HOMER2: variants seen among roughly 807,000 people sequenced by gnomAD.
HOMER2 encodes homer scaffold protein 2.
A neutral mutation model predicts 47.0 loss-of-function variants in HOMER2; 27 were observed. That is an observed-to-expected ratio of 0.57 (90% CI 0.42 to 0.79). HOMER2 has a LOEUF of 0.79. Among genes scored for constraint, HOMER2 ranks in the 30% least tolerant of loss-of-function variants. HOMER2 has a pLI of 0.00. For missense variants in HOMER2, 443 were observed against 435.0 expected (o/e 1.02, Z -0.16); for synonymous variants, 161 against 163.8 (o/e 0.98, Z 0.13).
In HOMER2 at chr15:82,849,678, T is replaced by C. The variant is rs1177701607; in HGVS notation, c.*37A>G. 3 of 1,586,966 alleles carry C rather than the reference T, an allele frequency of 1.9e-6. No homozygotes were observed. Among genetic ancestry groups the C allele is most frequent in the East Asian group, 4.5e-5 (2 of 44,224 alleles). On this transcript the variant is annotated 3_prime_UTR_variant, in exon 9 of 9. Coordinates refer to ENST00000450735, the MANE Select transcript of HOMER2 (RefSeq NM_004839.4). Reference sequence around the variant, plus strand: ...GAGCTATCTGGTCTCGCACACACGCTTGGGACTCACGGGCGGGGCCTGGGC... The same window carrying C: ...GAGCTATCTGGTCTCGCACACACGCCTGGGACTCACGGGCGGGGCCTGGGC...
At position 82,933,225 on chromosome 15, in the gene HOMER2, C is replaced by A. The variant is rs2054060725; in HGVS notation, c.5+19306G>T. ...AGGGGTGTTCAGAGACCCCACATCCCACATTAAGAACCCTTCCTTGAGATG... is the reference window on the plus strand; with the variant it reads ...AGGGGTGTTCAGAGACCCCACATCCAACATTAAGAACCCTTCCTTGAGATG... On this transcript the variant is annotated intron_variant, in intron 1 of 8. Transcript: ENST00000450735. Among the ~76,000 whole-genome samples, 5 of 152,156 alleles carry A rather than the reference C, an allele frequency of 3.3e-5. No individual in the cohort carries two copies. In the South Asian group the frequency reaches 1.0e-3, roughly 32 times the overall value.
At chr15:82,944,043 A>G (rs1259812680) in intron 1 of HOMER2, among the ~76,000 whole-genome samples, 1 of 152,192 alleles carries the variant, frequency 6.6e-6, no homozygotes, top group Non-Finnish European at 1.5e-5. Flanking sequence ...TTATGAATAA[A>G]AATTTTTTTT....
chr15:82,844,535 A>T (rs551561209), downstream of HOMER2: 369 of 152,356 alleles, frequency 2.4e-3, 4 homozygotes, highest in African/African-American at 8.5e-3. Context: ...AAAAGTAATA[A>T]AACACACACA....
At position 82,849,421 on chromosome 15, in the gene HOMER2, C is replaced by A; in HGVS notation, c.*294G>T. On this transcript the variant is annotated 3_prime_UTR_variant, in exon 9 of 9. Transcript: ENST00000450735. ...GTTTTTTCAGTTCATATGGTTGCAA[C>A]AGCCCTTATGAAAGATATAAACATC... is the stretch of plus-strand genomic sequence containing the variant. 2.7e-6 allele frequency: 1 copy of A among 370,754 alleles called. No homozygotes were observed. Among genetic ancestry groups the A allele is most frequent in the Non-Finnish European group, 4.9e-6 (1 of 206,150 alleles). 23.0% of individuals were successfully genotyped at this position (370,754 alleles called of 1,614,324 possible). A position where few individuals can be genotyped will look rare whatever the true frequency, so the allele number is the denominator to read the frequency against.
chr15:82,962,824 T>C (rs1209265877), intron 1 of HOMER2, among the ~76,000 whole-genome samples: 1 of 152,128 alleles, frequency 6.6e-6, no homozygotes, highest in Non-Finnish European at 1.5e-5. Flanking sequence ...TATCAGTCCA[T>C]CAAACCACTT....
intron 1 of HOMER2, among the ~76,000 whole-genome samples, chr15:82,922,587 A>G (rs1272518300): frequency 6.6e-6 from 1 of 152,192 alleles, no homozygotes; most frequent in East Asian, 1.9e-4. Context: ...ATAGAAAGTT[A>G]GCCCTTGTGA....
At chr15:82,925,020 C>A (rs1679737123) in intron 1 of HOMER2, among the ~76,000 whole-genome samples, 1 of 152,168 alleles carries the variant, frequency 6.6e-6, no homozygotes, top group South Asian at 2.1e-4. Flanking sequence ...TATGTTTAGG[C>A]TGAAGCCCTT....
chr15:82,940,539 C>T (rs892481673), intron 1 of HOMER2, among the ~76,000 whole-genome samples: 7 of 152,156 alleles, frequency 4.6e-5, no homozygotes, highest in Middle Eastern at 3.4e-3. Context: ...GTCAGGAGAT[C>T]GAGACCATCC....
intron 1 of HOMER2, among the ~76,000 whole-genome samples, chr15:82,900,038 A>ATTTTTTTTTTT (rs775907391): frequency 2.0e-5 from 3 of 152,138 alleles, no homozygotes; most frequent in Admixed American, 6.6e-5. Flanking sequence ...AATAAAAAAT[A>ATTTTTTTTTTT]TATAATAATA....
chr15:82,918,188 A>G (rs1218124689), intron 1 of HOMER2, among the ~76,000 whole-genome samples: 1 of 152,146 alleles, frequency 6.6e-6, no homozygotes, highest in Non-Finnish European at 1.5e-5. Flanking sequence ...GACCCTAGGG[A>G]CACAGAGATA....
chr15:82,866,510 G>A (rs537682956), intron 3 of HOMER2, among the ~76,000 whole-genome samples: 15 of 152,238 alleles, frequency 9.9e-5, no homozygotes, highest in African/African-American at 3.4e-4. Context: ...AGGCATGACT[G>A]GTTTTGAAAT....
At position 82,851,208 on chromosome 15, in the gene HOMER2, T is replaced by C; in HGVS notation, c.786A>G (p.Gln262=). ...KETELKDLRK[Q]SEIIPQLMSE... ...ACATGAGCTGAGGTATGATTTCACT[T>C]TGTTTTCGGAGATCTTTCAGCTCCT... Residue 262 remains glutamine, a synonymous_variant, in exon 8 of 9, where the codon CAA becomes CAG. Transcript: ENST00000450735. The C allele has an allele frequency of 1.3e-6, 2 of 1,565,706 alleles. No individual in the cohort carries two copies. Among genetic ancestry groups the C allele is most frequent in the East Asian group, 2.3e-5 (1 of 42,836 alleles).
rs549269371 is a variant in HOMER2, at chr15:82,837,617, G to A, written c.*9657C>T. 2.6e-5 allele frequency: 4 copies of A among 152,336 alleles called. No homozygotes were observed. The East Asian group carries it at 7.7e-4, about 29-fold the overall frequency. 9.4% of individuals were successfully genotyped at this position (152,336 alleles called of 1,614,324 possible). Reference sequence around the variant, plus strand: ...CGATCCTGAAGCCTGGTATTCATGAGGTCTTCAGAATGTCCCAGGTCGTCC... The same window carrying A: ...CGATCCTGAAGCCTGGTATTCATGAAGTCTTCAGAATGTCCCAGGTCGTCC... On this transcript the variant is annotated 3_prime_UTR_variant, in exon 2 of 2. Transcript: ENST00000558090.
chr15:82,896,233 ACT>A (rs1355126787), intron 1 of HOMER2, among the ~76,000 whole-genome samples: 4 of 151,964 alleles, frequency 2.6e-5, no homozygotes, highest in Non-Finnish European at 4.4e-5. Flanking sequence ...TTCCGCAAGC[ACT>A]CTCTGTCCCT....
intron 3 of HOMER2, among the ~76,000 whole-genome samples, chr15:82,864,552 C>T (rs2051900667): frequency 6.6e-6 from 1 of 152,114 alleles, no homozygotes; most frequent in Admixed American, 6.6e-5. Flanking sequence ...AAAAGAAATC[C>T]ACGGAAAACT....
In HOMER2 at chr15:82,909,313, C is replaced by T. The variant is rs556430884; in HGVS notation, c.6-16472G>A. On this transcript the variant is annotated intron_variant, in intron 1 of 8. Coordinates refer to ENST00000450735, the MANE Select transcript of HOMER2 (RefSeq NM_004839.4). ...GATGGAGCAATGGCGAGAGCACACT[C>T]GACAAGGGAGGGGAAAGGGGTCTTC... Among the ~76,000 whole-genome samples the T allele has an allele frequency of 3.9e-5, 6 of 152,158 alleles. No homozygotes were observed. In the South Asian group the frequency reaches 6.2e-4, roughly 16 times the overall value.
rs571313830 is a variant in HOMER2, at chr15:82,913,843, A to G, written c.6-21002T>C. On this transcript the variant is annotated intron_variant, in intron 1 of 8. Coordinates refer to ENST00000450735, the MANE Select transcript of HOMER2 (RefSeq NM_004839.4). The surrounding 1 kb of genome is among the most constrained non-coding windows in gnomAD (Gnocchi z 4.1). Reference sequence around the variant, plus strand: ...CTGGTGCTTCCTCAAAAAGTTAAATACAGCATTTCCACGTGGCCCTGCAAT... The same window carrying G: ...CTGGTGCTTCCTCAAAAAGTTAAATGCAGCATTTCCACGTGGCCCTGCAAT... Among the ~76,000 whole-genome samples, 1 of 152,278 alleles carries G rather than the reference A, an allele frequency of 6.6e-6. No homozygotes were observed. Among genetic ancestry groups the G allele is most frequent in the East Asian group, 1.9e-4 (1 of 5,172 alleles).
intron 1 of HOMER2, among the ~76,000 whole-genome samples, chr15:82,943,589 T>G (rs182403503): frequency 6.6e-6 from 1 of 152,344 alleles, no homozygotes; most frequent in Admixed American, 6.5e-5. Context: ...ATCTAAAAAC[T>G]CCAATTAAAA....
chr15:82,952,424 A>G, intron 1 of HOMER2, 107 bp downstream of exon 1: 1 of 780,390 alleles, frequency 1.3e-6, no homozygotes, highest in Non-Finnish European at 1.7e-6. Context: ...CGGCTTGGGG[A>G]GGCGGGGGCC....
Sources: gnomAD v4.1 joint callset for allele counts (sites outside exome capture counted in the v4.1 genomes callset) on GRCh38, gnomAD v4.1.1 for gene constraint, Gnocchi (gnomAD v3.1) non-coding constraint, MANE v1.5 for transcripts, NCBI Gene and HGNC (gene_info 2026-07-23, HGNC 2026-07-21) for gene names.